SLC39A11: variants seen among roughly 807,000 people sequenced by gnomAD.
SLC39A11 encodes the protein solute carrier family 39 member 11.
Under a neutral mutation model 36.1 loss-of-function variants are expected in SLC39A11, and 33 were observed. The ratio of observed to expected loss-of-function variants is 0.91; its 90% CI spans 0.69 to 1.22. The LOEUF (loss-of-function observed/expected upper bound fraction) is 1.22. SLC39A11 is among the 50% of genes most tolerant of loss of function. SLC39A11 has a pLI of 0.00. For missense variants in SLC39A11, 432 were observed against 430.3 expected (o/e 1.00, Z -0.03); for synonymous variants, 166 against 170.3 (o/e 0.97, Z 0.20).
chr17:72,783,016 AAAAAAAG>A (rs1258881806), intron 6 of SLC39A11, among the ~76,000 whole-genome samples: 20 of 151,468 alleles, frequency 1.3e-4, no homozygotes, highest in African/African-American at 4.4e-4. Context: ...AAAAAAAAAA[AAAAAAAG>A]AAAAAAGAAA....
chr17:72,775,229 G>T (rs931466221), intron 6 of SLC39A11, among the ~76,000 whole-genome samples: 16 of 152,128 alleles, frequency 1.1e-4, no homozygotes, highest in African/African-American at 3.4e-4. Flanking sequence ...GCACCACTGA[G>T]GACCCCCTTG....
At chr17:72,948,683 T>A (rs1344401530) in intron 4 of SLC39A11, among the ~76,000 whole-genome samples, 2 of 152,230 alleles carry the variant, frequency 1.3e-5, no homozygotes, top group Non-Finnish European at 2.9e-5. Flanking sequence ...TCTTCAGCTT[T>A]GTCCTAACTA....
chr17:72,715,586 G>A (rs2073323725), intron 7 of SLC39A11, among the ~76,000 whole-genome samples: 1 of 152,228 alleles, frequency 6.6e-6, no homozygotes, highest in Non-Finnish European at 1.5e-5. Context: ...GAGGTCCCTA[G>A]AGGAGTCACA....
intron 3 of SLC39A11, among the ~76,000 whole-genome samples, chr17:73,075,666 A>G (rs2060296193): frequency 6.6e-6 from 1 of 152,314 alleles, no homozygotes; most frequent in African/African-American, 2.4e-5. Flanking sequence ...CAGCCTGGCC[A>G]ACATGGCGAA....
intron 6 of SLC39A11, among the ~76,000 whole-genome samples, chr17:72,775,146 G>GACCT (rs2076090644): frequency 6.6e-6 from 1 of 152,064 alleles, no homozygotes; most frequent in African/African-American, 2.4e-5. Flanking sequence ...CTGGCCCCAA[G>GACCT]ACCTCCCACT....
intron 6 of SLC39A11, among the ~76,000 whole-genome samples, chr17:72,763,517 C>T (rs911358783): frequency 2.0e-5 from 3 of 152,188 alleles, no homozygotes; most frequent in African/African-American, 7.2e-5. Flanking sequence ...CACCTGTTAA[C>T]ATCTTACAGA....
At chr17:72,849,329 G>C (rs1350985290) in intron 6 of SLC39A11, among the ~76,000 whole-genome samples, 1 of 152,138 alleles carries the variant, frequency 6.6e-6, no homozygotes, top group Non-Finnish European at 1.5e-5. Context: ...ATTTATAAAA[G>C]ATACCCTCCA....
At chr17:72,686,551 C>T (rs1440320354) in intron 7 of SLC39A11, among the ~76,000 whole-genome samples, 1 of 114,900 alleles carries the variant, frequency 8.7e-6, no homozygotes, top group African/African-American at 3.4e-5. Context: ...AGGTGGAGCT[C>T]CCTCTCAACA....
At chr17:72,735,441 C>T (rs746781900) in intron 7 of SLC39A11, among the ~76,000 whole-genome samples, 2 of 152,072 alleles carry the variant, frequency 1.3e-5, no homozygotes, top group African/African-American at 4.8e-5. Context: ...TCAATGGGTG[C>T]AGGAGGGAGT....
At chr17:73,034,075 G>A (rs545788971) in intron 3 of SLC39A11, among the ~76,000 whole-genome samples, 1 of 152,280 alleles carries the variant, frequency 6.6e-6, no homozygotes, top group African/African-American at 2.4e-5. Context: ...GGAAATGTGA[G>A]GGCTCCCCCT....
At chr17:73,064,639 C>G (rs552902779) in intron 3 of SLC39A11, among the ~76,000 whole-genome samples, 5 of 152,122 alleles carry the variant, frequency 3.3e-5, no homozygotes, top group African/African-American at 1.2e-4. Context: ...GAGGTCCCCC[C>G]TCTAAGGAAA....
intron 5 of SLC39A11, among the ~76,000 whole-genome samples, chr17:72,892,452 T>G (rs1598301808): frequency 1.3e-5 from 2 of 151,116 alleles, no homozygotes; most frequent in East Asian, 3.9e-4. Context: ...AGAATAGATG[T>G]CAAAGAGAAA....
chr17:72,791,442 ACT>A (rs1172109739), intron 6 of SLC39A11, among the ~76,000 whole-genome samples: 1 of 152,130 alleles, frequency 6.6e-6, no homozygotes, highest in Non-Finnish European at 1.5e-5. Context: ...ACAGAAAGAA[ACT>A]CTGTCTCAAA....
intron 3 of SLC39A11, among the ~76,000 whole-genome samples, chr17:73,056,348 T>C (rs2059669806): frequency 2.0e-5 from 3 of 152,118 alleles, no homozygotes; most frequent in Non-Finnish European, 4.4e-5. Context: ...TTTGTATTTT[T>C]AGTGGAGACG....
At chr17:72,895,516 T>C (rs2081984614) in intron 5 of SLC39A11, among the ~76,000 whole-genome samples, 1 of 151,072 alleles carries the variant, frequency 6.6e-6, no homozygotes, top group Non-Finnish European at 1.5e-5. Context: ...GAAGCGGAGG[T>C]TGCAGTGAGC....
chr17:73,030,574 A>G (rs2058706888), intron 4 of SLC39A11, among the ~76,000 whole-genome samples: 2 of 152,304 alleles, frequency 1.3e-5, no homozygotes, highest in African/African-American at 4.8e-5. Context: ...ATCCAGCAGG[A>G]GAAATGGACT....
chr17:72,871,271 A>G (rs1448817633), intron 5 of SLC39A11, among the ~76,000 whole-genome samples: 1 of 151,948 alleles, frequency 6.6e-6, no homozygotes, highest in East Asian at 1.9e-4. Flanking sequence ...CTATATGCCC[A>G]GGCTTGTCTT....
chr17:72,795,711 G>C (rs556783973), intron 6 of SLC39A11, among the ~76,000 whole-genome samples: 1 of 152,238 alleles, frequency 6.6e-6, no homozygotes, highest in South Asian at 2.1e-4. Flanking sequence ...TTCCCTGTGA[G>C]GTGGCTCAGT....
At chr17:72,845,141 G>A (rs1171255728) in intron 6 of SLC39A11, among the ~76,000 whole-genome samples, 1 of 152,098 alleles carries the variant, frequency 6.6e-6, no homozygotes. Context: ...CCTCTCCTAA[G>A]TCCCATCTCA....
Sources: allele counts gnomAD v4.1 joint callset (sites outside exome capture counted in the v4.1 genomes callset), GRCh38; gene constraint gnomAD v4.1.1; transcripts MANE v1.5; gene names NCBI Gene and HGNC (gene_info 2026-07-23, HGNC 2026-07-21).